The following UHMK1 variants were observed in gnomAD, a reference collection of about 807,000 sequenced individuals.
UHMK1 encodes the protein serine/threonine-protein kinase Kist.
A neutral mutation model predicts 44.0 loss-of-function variants in UHMK1; 18 were observed. The ratio of observed to expected loss-of-function variants is 0.41; its 90% confidence interval spans 0.28 to 0.61. UHMK1 has a LOEUF of 0.61. Among genes scored for constraint, UHMK1 ranks in the 20% least tolerant of loss-of-function variants. The probability of loss-of-function intolerance (pLI) is 0.31; values close to 1 mark genes in which losing one functional copy is unlikely to be tolerated. For missense variants in UHMK1, 463 were observed against 522.5 expected (o/e 0.89, Z 1.11); for synonymous variants, 231 against 198.5 (o/e 1.16, Z -1.38).
intron 7 of UHMK1, among the ~76,000 whole-genome samples, chr1:162,521,829 G>A (rs1164513828): frequency 3.9e-5 from 6 of 152,148 alleles, no homozygotes; most frequent in East Asian, 1.9e-4. Flanking sequence ...CGGTTTCACC[G>A]TGTTCGTCAG....
chr1:162,498,303 G>C (rs201564368), intron 1 of UHMK1, 35 bp downstream of exon 1: 1 of 1,551,324 alleles, frequency 6.4e-7, no homozygotes, highest in Admixed American at 1.8e-5. Context: ...TTCTTGCCCA[G>C]GTCACAGTCC....
chr1:162,501,951 A>C (rs1651284243), intron 3 of UHMK1, among the ~76,000 whole-genome samples: 1 of 151,792 alleles, frequency 6.6e-6, no homozygotes. Flanking sequence ...AAAAATTATA[A>C]AAGGTATTTT....
chr1:162,509,252 C>T (rs965269572), intron 4 of UHMK1, among the ~76,000 whole-genome samples: 7 of 152,146 alleles, frequency 4.6e-5, no homozygotes, highest in African/African-American at 1.7e-4. Flanking sequence ...CTCTTCTCTT[C>T]TGCTTTTTTC....
At position 162,529,233 on chromosome 1, in the gene UHMK1, A is replaced by G. The variant is rs1481876257; in HGVS notation, c.*6683A>G. 6.6e-6 allele frequency: 1 copy of G among 151,830 alleles called. No homozygotes were observed. Among genetic ancestry groups the G allele is most frequent in the Non-Finnish European group, 1.5e-5 (1 of 67,934 alleles). The allele number at this position is 151,830 out of a possible 1,614,324, so 9.4% of individuals were successfully genotyped here. ...CTGTGGTTCTGCTGTATTATTTGTG[A>G]TGTCTTATTGTTTGTGAGCTTTTGT... On this transcript the variant is annotated 3_prime_UTR_variant, in exon 8 of 8. Transcript: ENST00000489294.
In UHMK1 at chr1:162,528,677, A is replaced by G. The variant is rs1354762309; in HGVS notation, c.*6127A>G. Reference sequence around the variant, plus strand: ...AAGTATGTTTATTATAATAAAAAAAAGTTAAGCTGCATCTCTGTAGATTAT... The same window carrying G: ...AAGTATGTTTATTATAATAAAAAAAGGTTAAGCTGCATCTCTGTAGATTAT... On this transcript the variant is annotated 3_prime_UTR_variant, in exon 8 of 8. Coordinates refer to ENST00000489294, the MANE Select transcript of UHMK1 (RefSeq NM_175866.5). The G allele has an allele frequency of 6.6e-6, 1 of 150,392 alleles. No homozygotes were observed. The highest frequency in any genetic ancestry group is 2.4e-5 in the African/African-American group (1 of 40,976). The allele number at this position is 150,392 out of a possible 1,614,324, so 9.3% of individuals were successfully genotyped here. A position where few individuals can be genotyped will look rare whatever the true frequency, so the allele number is the denominator to read the frequency against.
Position 162,522,396 on chromosome 1 carries a change from T to C in UHMK1, c.1114-8T>C, listed in dbSNP as rs1423887086. 1 of 1,613,808 alleles carries C rather than the reference T, an allele frequency of 6.2e-7. No individual in the cohort carries two copies. Among genetic ancestry groups the C allele is most frequent in the Non-Finnish European group, 8.5e-7 (1 of 1,179,956 alleles). On this transcript the variant is annotated splice_polypyrimidine_tract_variant and splice_region_variant and intron_variant, in intron 7 of 7. Coordinates refer to ENST00000489294, the MANE Select transcript of UHMK1 (RefSeq NM_175866.5). ...AAATGAAATGTTTTTTTCTCTGTCT[T>C]CTTTCAGGTCTTTGTTGAGTATGCA...
intron 4 of UHMK1, among the ~76,000 whole-genome samples, chr1:162,507,294 A>G (rs1651502398): frequency 6.6e-6 from 1 of 151,538 alleles, no homozygotes; most frequent in South Asian, 2.1e-4. Context: ...TAATTTCTAT[A>G]TTTTTAGTAG....
At position 162,500,170 on chromosome 1, in the gene UHMK1, C is replaced by T. The variant is rs760608542; in HGVS notation, c.484C>T (p.Arg162Cys). The T allele has an allele frequency of 3.1e-6, 5 of 1,614,044 alleles. No individual in the cohort carries two copies. The highest frequency in any genetic ancestry group is 2.2e-5 in the East Asian group (1 of 44,900). The change falls in exon 2 of 8, where the codon CGT becomes TGT. Residue 162 changes from arginine (R) to cysteine (C), a missense_variant. Arg to Cys is a radical substitution (Grantham distance 180). Transcript: ENST00000489294. Reference sequence around the variant, plus strand: ...CTATGTCCATGCGGACCTCAAACCACGTAACATATTGTGGAGTGCAGAGAA... The same window carrying T: ...CTATGTCCATGCGGACCTCAAACCATGTAACATATTGTGGAGTGCAGAGAA... ...EGYVHADLKP[R>C]NILWSAENEC...
chr1:162,503,875 T>G, intron 4 of UHMK1, 27 bp downstream of exon 4: 1 of 1,574,672 alleles, frequency 6.4e-7, no homozygotes, highest in Non-Finnish European at 8.7e-7. Flanking sequence ...ATAAACTTGC[T>G]TTGCATTCAT....
intron 6 of UHMK1, among the ~76,000 whole-genome samples, chr1:162,516,474 T>C (rs746342975): frequency 6.6e-6 from 1 of 151,936 alleles, no homozygotes; most frequent in Non-Finnish European, 1.5e-5. Context: ...GGGAAGGAAG[T>C]AGGGCAGGTA....
Position 162,527,810 on chromosome 1 carries a change from A to G in UHMK1, c.*5260A>G, listed in dbSNP as rs182121155. The G allele has an allele frequency of 3.3e-5, 5 of 152,164 alleles. No homozygotes were observed. In the East Asian group the frequency reaches 9.6e-4, roughly 29 times the overall value. The allele number at this position is 152,164 out of a possible 1,614,324, so 9.4% of individuals were successfully genotyped here. On this transcript the variant is annotated 3_prime_UTR_variant, in exon 8 of 8. Transcript: ENST00000489294. The stretch of plus-strand genomic sequence containing the variant: ...ATTTAAAGGCAAAGAGAAGCATTCT[A>G]CTTATTTGTCTTATAAACCATTAAT...
In UHMK1 at chr1:162,524,159, T is replaced by C. The variant is rs1180139549; in HGVS notation, c.*1609T>C. The C allele has an allele frequency of 6.6e-6, 1 of 152,194 alleles. No homozygotes were observed. Among genetic ancestry groups the C allele is most frequent in the African/African-American group, 2.4e-5 (1 of 41,452 alleles). 9.4% of individuals were successfully genotyped at this position (152,194 alleles called of 1,614,324 possible). A position where few individuals can be genotyped will look rare whatever the true frequency, so the allele number is the denominator to read the frequency against. ...TTCCCTGCTGGAAGCCTCCTCATAT[T>C]TCCTTATGTTTGCCATGCAGGTTGC... On this transcript the variant is annotated 3_prime_UTR_variant, in exon 8 of 8. Transcript: ENST00000489294.
Position 162,500,124 on chromosome 1 carries a change from T to C in UHMK1, c.438T>C (p.Leu146=), listed in dbSNP as rs149580384. 724 of 1,614,206 alleles carry C rather than the reference T, an allele frequency of 4.5e-4. 4 individuals are homozygous for C. The African/African-American group carries it at 8.6e-3, about 19-fold the overall frequency. Residue 146 remains leucine, a synonymous_variant, in exon 2 of 8, where the codon CTT becomes CTC. Transcript: ENST00000489294. ...QHCARDVLEA[L]AFLHHEGYVH... is the part of the protein sequence containing the mutation. ...GTGCCCGAGATGTTTTGGAGGCCCT[T>C]GCTTTTCTTCATCATGAGGGCTATG...
intron 3 of UHMK1, among the ~76,000 whole-genome samples, chr1:162,503,398 C>T (rs758589036): frequency 6.6e-6 from 1 of 151,704 alleles, no homozygotes; most frequent in Non-Finnish European, 1.5e-5. Context: ...TCACTTGAGC[C>T]CAAGAGTTTG....
intron 6 of UHMK1, 95 bp from the exon 7 acceptor site, chr1:162,518,007 T>G: frequency 1.3e-6 from 1 of 771,238 alleles, no homozygotes; most frequent in Non-Finnish European, 2.2e-6. Context: ...TTACTAGTTA[T>G]GTATTCCTGA....
intron 4 of UHMK1, among the ~76,000 whole-genome samples, chr1:162,510,182 A>T (rs1010776507): frequency 6.6e-6 from 1 of 152,178 alleles, no homozygotes; most frequent in African/African-American, 2.4e-5. Flanking sequence ...TTAATGAACA[A>T]ATGCATTATT....
chr1:162,516,111 T>C (rs1298557485), intron 6 of UHMK1, among the ~76,000 whole-genome samples: 1 of 152,228 alleles, frequency 6.6e-6, no homozygotes, highest in Non-Finnish European at 1.5e-5. Context: ...CCTCCTCCTC[T>C]ATCTTGCTGT....
intron 6 of UHMK1, among the ~76,000 whole-genome samples, chr1:162,517,468 A>G (rs548924754): frequency 3.3e-5 from 5 of 152,342 alleles, no homozygotes; most frequent in African/African-American, 1.2e-4. Flanking sequence ...CATAACCATT[A>G]AAACAAATGA....
At position 162,498,198 on chromosome 1, in the gene UHMK1, C is replaced by G. The variant is rs200218058; in HGVS notation, c.198C>G (p.Ala66=). 1.2e-6 allele frequency: 2 copies of G among 1,612,922 alleles called. No individual in the cohort carries two copies. Among genetic ancestry groups the G allele is most frequent in the African/African-American group, 1.3e-5 (1 of 75,062 alleles). The change falls in exon 1 of 8, where the codon GCC becomes GCG. Residue 66 remains alanine (A), a synonymous_variant. Coordinates refer to ENST00000489294, the MANE Select transcript of UHMK1 (RefSeq NM_175866.5). ...CGCCAGGAACCACCGGGGCTGCGGC[C>G]TCTGCCGCCGAGTATGGTTTCCGCA... The part of the protein sequence containing the change: ...FLPPGTTGAA[A]SAAEYGFRKE...
Sources: gnomAD v4.1 joint callset for allele counts (sites outside exome capture counted in the v4.1 genomes callset) on GRCh38, gnomAD v4.1.1 for gene constraint, MANE v1.5 for transcripts, NCBI Gene and HGNC (gene_info 2026-07-23, HGNC 2026-07-21) for gene names.